TBCD: variants seen among roughly 807,000 people sequenced by gnomAD.
The protein encoded by TBCD is tubulin folding cofactor D, also known as tubulin-specific chaperone D.
TBCD carries 105 observed loss-of-function variants against 169.3 expected under a neutral mutation model. The ratio of observed to expected loss-of-function variants is 0.62; its 90% CI spans 0.53 to 0.73. TBCD has a LOEUF of 0.73. TBCD is among the 30% of genes least tolerant of loss of function. The probability of loss-of-function intolerance (pLI) is 0.00; values close to 1 mark genes in which losing one functional copy is unlikely to be tolerated. For synonymous variants in TBCD, 700 were observed against 643.9 expected (o/e 1.09, Z -1.32); for missense variants, 1,444 against 1,600.1 (o/e 0.90, Z 1.66).
chr17:82,803,927 A>G (rs1354839518), intron 9 of TBCD, among the ~76,000 whole-genome samples: 1 of 47,410 alleles, frequency 2.1e-5, no homozygotes, highest in African/African-American at 8.4e-5. Context: ...CTGGGGGCTG[A>G]GGTGCACCTG....
rs1400911877 is a variant in TBCD at position 82,864,915 on chromosome 17, G to T, written c.1319-5309G>T. Among the ~76,000 whole-genome samples, 1 of 128,982 alleles carries T rather than the reference G, an allele frequency of 7.8e-6. No homozygotes were observed. Among genetic ancestry groups the T allele is most frequent in the Non-Finnish European group, 1.7e-5 (1 of 60,226 alleles). 84.6% of individuals were successfully genotyped at this position (128,982 alleles called of 152,430 possible). A position where few individuals can be genotyped will look rare whatever the true frequency, so the allele number is the denominator to read the frequency against. On this transcript the variant is annotated intron_variant, in intron 13 of 38. Coordinates refer to ENST00000355528, the MANE Select transcript of TBCD (RefSeq NM_005993.5). This position sits in a 1 kb window ranked among gnomAD's most constrained non-coding sequence, Gnocchi z 6.3. ...CCCTGGGGCACCGTGGGGACAGCGGGGGCCTGCTTGTGTTGGGGGTGGGGC... is the reference window on the plus strand; with the variant it reads ...CCCTGGGGCACCGTGGGGACAGCGGTGGCCTGCTTGTGTTGGGGGTGGGGC...
At chr17:82,830,986 C>G in intron 13 of TBCD, 3 of 1,613,702 alleles carry the variant, frequency 1.9e-6, no homozygotes, top group South Asian at 1.1e-5. Flanking sequence ...CAGAAACATT[C>G]CCTTGGAGGT....
Position 82,848,672 on chromosome 17 carries a change from T to C in TBCD, c.1319-21552T>C, listed in dbSNP as rs536535197. Among the ~76,000 whole-genome samples, 5 of 152,278 alleles carry C rather than the reference T, an allele frequency of 3.3e-5. No individual in the cohort carries two copies. The South Asian group carries it at 8.3e-4, about 25-fold the overall frequency. ...ATGAAAAAAATTAGCACTCAGATCT[T>C]CTTTTTTTTCATGCTACAAAATAAC... is the stretch of plus-strand genomic sequence containing the variant. On this transcript the variant is annotated intron_variant, in intron 13 of 38. Transcript: ENST00000355528.
Position 82,772,651 on chromosome 17 carries a change from T to C in TBCD, c.638+144T>C, listed in dbSNP as rs615630. The C allele has an allele frequency of 0.86, 734,787 of 855,304 alleles. 317,214 individuals carry two copies. Among genetic ancestry groups the C allele is most frequent in the African/African-American group, 0.97 (58,531 of 60,406 alleles). 53.0% of individuals were successfully genotyped at this position (855,304 alleles called of 1,614,324 possible). A position where few individuals can be genotyped will look rare whatever the true frequency, so the allele number is the denominator to read the frequency against. ...GACTCTGTGGCTTTCTCTGAGGGAG[T>C]GTGCAGCAGTGTTTGGGCACAGAAG... On this transcript the variant is annotated intron_variant, in intron 6 of 38. Transcript: ENST00000355528.
chr17:82,923,730 C>T lies in TBCD; in HGVS notation c.2257C>T (p.Gln753Ter). ...KEPGEADPAI[Q>*]EELITQYLAE... ...GCCGGGGGAGGCAGATCCCGCAATTCAGGGTGAGTGGGGAGCCCTTTTCTT... is the reference window on the plus strand; with the variant it reads ...GCCGGGGGAGGCAGATCCCGCAATTTAGGGTGAGTGGGGAGCCCTTTTCTT... The change falls in exon 26 of 39, where the codon CAG (glutamine) becomes TAG (stop). Residue 753 changes from glutamine (Q) to a stop codon, truncating the protein, a stop_gained. Coordinates refer to ENST00000355528, the MANE Select transcript of TBCD (RefSeq NM_005993.5). LOFTEE classifies it high-confidence loss of function. This position sits in a 1 kb window ranked among gnomAD's most constrained non-coding sequence, Gnocchi z 4.6. 6.3e-7 allele frequency: 1 copy of T among 1,597,172 alleles called. No individual in the cohort carries two copies.
In TBCD at chr17:82,757,253, C is replaced by T. The variant is rs1232581146; in HGVS notation, c.235+1038C>T. ...CTGTGTGAGAGACACTAAGGGTCAG[C>T]CTTTCATGTGCGCACACGTGCCTCT... On this transcript the variant is annotated intron_variant, in intron 2 of 38. Transcript: ENST00000355528. 2.0e-5 allele frequency among the ~76,000 whole-genome samples: 3 copies of T among 152,160 alleles called. No individual in the cohort carries two copies. In the East Asian group the frequency reaches 5.8e-4, roughly 29 times the overall value.
chr17:82,851,177 T>C (rs2055757551), intron 13 of TBCD, among the ~76,000 whole-genome samples: 1 of 152,104 alleles, frequency 6.6e-6, no homozygotes, highest in South Asian at 2.1e-4. Context: ...AAAAACTGGA[T>C]ACAGAATAAT....
chr17:82,796,555 T>C (rs7209308), intron 7 of TBCD, among the ~76,000 whole-genome samples: 12,926 of 152,206 alleles, frequency 0.085, 1,441 homozygotes, highest in African/African-American at 0.26. Flanking sequence ...ACTGCCCCAT[T>C]TTACAGACAG....
chr17:82,809,711 C>A lies in TBCD; in HGVS notation c.1152C>A (p.Ile384=). Residue 384 remains isoleucine (I), a synonymous_variant, in exon 12 of 39, where the codon ATC becomes ATA. Transcript: ENST00000355528. The stretch of plus-strand genomic sequence containing the variant: ...GATTGCTGCGTTTCTCTTTCAGCAT[C>A]GGTAGGATGGCTGGCAGGCTTCCCA... The part of the protein sequence containing the change: ...TVVRWSAAKG[I]GRMAGRLPRA... 6.2e-7 allele frequency: 1 copy of A among 1,612,686 alleles called. No homozygotes were observed. The highest frequency in any genetic ancestry group is 8.5e-7 in the Non-Finnish European group (1 of 1,179,202).
chr17:82,897,978 C>T (rs1448456637), intron 17 of TBCD, among the ~76,000 whole-genome samples: 1 of 145,596 alleles, frequency 6.9e-6, no homozygotes, highest in Non-Finnish European at 1.5e-5. Flanking sequence ...TCTGTTCTCC[C>T]CGATGGTTTT....
At chr17:82,790,209 T>TCCC (rs1325071402) in intron 7 of TBCD, among the ~76,000 whole-genome samples, 2 of 151,974 alleles carry the variant, frequency 1.3e-5, no homozygotes, top group Non-Finnish European at 2.9e-5. Context: ...CCGACTACCC[T>TCCC]CCCGCCTCTC....
intron 13 of TBCD, among the ~76,000 whole-genome samples, chr17:82,842,812 G>A (rs1179553552): frequency 6.2e-5 from 8 of 128,996 alleles, no homozygotes; most frequent in Non-Finnish European, 1.1e-4. Flanking sequence ...ATGGAATCTC[G>A]CTCTGTCACC....
intron 32 of TBCD, 181 bp downstream of exon 32, chr17:82,929,681 GC>G (rs1568076266): frequency 1.2e-6 from 1 of 849,352 alleles, no homozygotes; most frequent in Non-Finnish European, 1.9e-6. Context: ...GAGGCTTAGG[GC>G]CTGTGGGATG....
At chr17:82,893,378 A>AGGACCTAC in intron 16 of TBCD, among the ~76,000 whole-genome samples, 169 bp from the exon 17 acceptor site, 1 of 152,342 alleles carries the variant, frequency 6.6e-6, no homozygotes, top group Non-Finnish European at 1.5e-5. Flanking sequence ...AGTCAGTGTG[A>AGGACCTAC]CGTGGAAGTC....
chr17:82,814,965 G>T, intron 13 of TBCD, 31 bp downstream of exon 13: 2 of 1,607,852 alleles, frequency 1.2e-6, no homozygotes, highest in Non-Finnish European at 1.7e-6. Context: ...CAGGGGGGAT[G>T]TCTGGCGCTG....
chr17:82,828,284 C>A (rs539821738), intron 13 of TBCD, among the ~76,000 whole-genome samples: 54 of 134,532 alleles, frequency 4.0e-4, no homozygotes, highest in South Asian at 2.2e-3. Context: ...GCACACACAC[C>A]CCCCCACAGG....
chr17:82,903,562 T>C lies in TBCD; in HGVS notation c.1804+84T>C. The stretch of plus-strand genomic sequence containing the variant: ...GTTGCTGGTTTCAAAGGCTGGGGGC[T>C]GAAAATAAGGTTGTGCTTCTGTCTT... On this transcript the variant is annotated intron_variant, in intron 19 of 38. Coordinates refer to ENST00000355528, the MANE Select transcript of TBCD (RefSeq NM_005993.5). This position sits in a 1 kb window ranked among gnomAD's most constrained non-coding sequence, Gnocchi z 4.8. The C allele has an allele frequency of 7.3e-7, 1 of 1,361,248 alleles. No individual in the cohort carries two copies. Among genetic ancestry groups the C allele is most frequent in the Non-Finnish European group, 1.0e-6 (1 of 983,114 alleles). The allele number at this position is 1,361,248 out of a possible 1,614,324, so 84.3% of individuals were successfully genotyped here.
At chr17:82,817,358 G>A (rs760668701) in intron 13 of TBCD, among the ~76,000 whole-genome samples, 6 of 152,094 alleles carry the variant, frequency 3.9e-5, no homozygotes, top group Admixed American at 1.3e-4. Flanking sequence ...GTGCAGTGGC[G>A]TGATCTCAGC....
In TBCD at chr17:82,880,951, A is replaced by T. The variant is rs941025236; in HGVS notation, c.1476-3194A>T. Among the ~76,000 whole-genome samples the T allele has an allele frequency of 6.6e-6, 1 of 152,018 alleles. No individual in the cohort carries two copies. Among genetic ancestry groups the T allele is most frequent in the Admixed American group, 6.5e-5 (1 of 15,282 alleles). On this transcript the variant is annotated intron_variant, in intron 14 of 38. Coordinates refer to ENST00000355528, the MANE Select transcript of TBCD (RefSeq NM_005993.5). The surrounding 1 kb of genome is among the most constrained non-coding windows in gnomAD (Gnocchi z 5.0). ...TCGGGGAAGGAGGCCGTGTACTCCC[A>T]TAGCTCTGGGCTCTGTTTGTGGCTG...
Sources: gnomAD v4.1 joint callset for allele counts (sites outside exome capture counted in the v4.1 genomes callset) on GRCh38, gnomAD v4.1.1 for gene constraint, Gnocchi (gnomAD v3.1) non-coding constraint, MANE v1.5 for transcripts, NCBI Gene and HGNC (gene_info 2026-07-23, HGNC 2026-07-21) for gene names.